Variants in PCDHGB5 observed in about 807,000 individuals in gnomAD.
PCDHGB5 encodes the protein protocadherin gamma-B5.
Under a neutral mutation model 62.9 loss-of-function variants are expected in PCDHGB5, and 48 were observed. The observed-to-expected ratio is 0.76, with a 90% CI of 0.61 to 0.97. PCDHGB5 has a LOEUF of 0.97. Ranked by LOEUF, PCDHGB5 falls within the 50% of genes least tolerant of loss-of-function variation. PCDHGB5 has a pLI of 0.00. For synonymous variants in PCDHGB5, 474 were observed against 511.2 expected (o/e 0.93, Z 0.98); for missense variants, 1,118 against 1,198.6 (o/e 0.93, Z 0.99).
intron 1 of PCDHGB5, among the ~76,000 whole-genome samples, chr5:141,494,338 ACAG>A (rs2099753688): frequency 6.6e-6 from 1 of 152,224 alleles, no homozygotes; most frequent in African/African-American, 2.4e-5. Flanking sequence ...GTTACCAAGA[ACAG>A]CAGCCATCTT....
At chr5:141,420,050 C>T in intron 1 of PCDHGB5, 1 of 1,614,076 alleles carries the variant, frequency 6.2e-7, no homozygotes, top group Non-Finnish European at 8.5e-7. Flanking sequence ...TGAGTCAGTT[C>T]TCTGCTCCAA....
chr5:141,485,192 A>T lies in PCDHGB5; in HGVS notation c.2398-9615A>T. 1.2e-6 allele frequency: 2 copies of T among 1,613,942 alleles called. No individual in the cohort carries two copies. Among genetic ancestry groups the T allele is most frequent in the African/African-American group, 2.7e-5 (2 of 75,048 alleles). On this transcript the variant is annotated intron_variant, in intron 1 of 3. Transcript: ENST00000617380. The surrounding 1 kb of genome is among the most constrained non-coding windows in gnomAD (Gnocchi z 5.7). ...GGCAGCAATGCTCCGCAAGGTGAGA[A>T]GCTGGACAGAAATCTGGCGGTGGGC... is the stretch of plus-strand genomic sequence containing the variant.
intron 3 of PCDHGB5, among the ~76,000 whole-genome samples, chr5:141,508,624 G>A (rs552418899): frequency 3.3e-5 from 5 of 152,256 alleles, no homozygotes; most frequent in African/African-American, 9.6e-5. Context: ...TGGGTGGGCC[G>A]AGCTTCTAGC....
chr5:141,477,512 A>G lies in PCDHGB5; in HGVS notation c.2398-17295A>G. 1.9e-6 allele frequency: 3 copies of G among 1,614,156 alleles called. No homozygotes were observed. Among genetic ancestry groups the G allele is most frequent in the South Asian group, 2.2e-5 (2 of 91,072 alleles). ...TTCTCAATCTTCCTACGACGTTTAC[A>G]TTGAAGAAAACAACCTCCCCGGGGC... On this transcript the variant is annotated intron_variant, in intron 1 of 3. Transcript: ENST00000617380. This position sits in a 1 kb window ranked among gnomAD's most constrained non-coding sequence, Gnocchi z 4.9.
rs1253223100 is a variant in PCDHGB5 at position 141,493,049 on chromosome 5, T to C, written c.2398-1758T>C. Among the ~76,000 whole-genome samples the C allele has an allele frequency of 6.6e-6, 1 of 152,188 alleles. No homozygotes were observed. Among genetic ancestry groups the C allele is most frequent in the Non-Finnish European group, 1.5e-5 (1 of 68,032 alleles). Reference sequence around the variant, plus strand: ...GCCCTTATGTGTGAGGAAACTACAATAGTAAAAAACACAAGTTTCTCCAAC... The same window carrying C: ...GCCCTTATGTGTGAGGAAACTACAACAGTAAAAAACACAAGTTTCTCCAAC... On this transcript the variant is annotated intron_variant, in intron 1 of 3. Transcript: ENST00000617380. This position sits in a 1 kb window ranked among gnomAD's most constrained non-coding sequence, Gnocchi z 4.3.
At chr5:141,510,658 A>G (rs1162885805) in intron 3 of PCDHGB5, among the ~76,000 whole-genome samples, 1 of 152,178 alleles carries the variant, frequency 6.6e-6, no homozygotes, top group African/African-American at 2.4e-5. Context: ...CATTTTGCAG[A>G]TGAGAAAACT....
intron 1 of PCDHGB5, among the ~76,000 whole-genome samples, chr5:141,439,599 G>A (rs1319524199): frequency 6.6e-6 from 1 of 152,146 alleles, no homozygotes; most frequent in Non-Finnish European, 1.5e-5. Flanking sequence ...TGGCCAGTCT[G>A]GAAACAGAGA....
intron 1 of PCDHGB5, among the ~76,000 whole-genome samples, chr5:141,444,241 G>A (rs1302797543): frequency 3.1e-5 from 4 of 130,308 alleles, no homozygotes; most frequent in Admixed American, 1.9e-4. Flanking sequence ...GCATGCTCTC[G>A]GCTCACTGCA....
Position 141,490,330 on chromosome 5 carries a change from C to T in PCDHGB5, c.2398-4477C>T, listed in dbSNP as rs2099698666. ...GGCCAACCCTGTCCTAGAGAGCACA[C>T]CAGTGGGCACAGTAGTGGGGTTGTT... is the stretch of plus-strand genomic sequence containing the variant. On this transcript the variant is annotated intron_variant, in intron 1 of 3. Transcript: ENST00000617380. The surrounding 1 kb of genome is among the most constrained non-coding windows in gnomAD (Gnocchi z 5.4). 6.2e-7 allele frequency: 1 copy of T among 1,614,080 alleles called. No individual in the cohort carries two copies. Among genetic ancestry groups the T allele is most frequent in the Non-Finnish European group, 8.5e-7 (1 of 1,180,042 alleles).
At chr5:141,456,215 C>T (rs1465130067) in intron 1 of PCDHGB5, among the ~76,000 whole-genome samples, 2 of 152,048 alleles carry the variant, frequency 1.3e-5, no homozygotes, top group African/African-American at 2.4e-5. Flanking sequence ...CTCCCTGTGG[C>T]GATATCAAAC....
At position 141,491,093 on chromosome 5, in the gene PCDHGB5, T is replaced by G; in HGVS notation, c.2398-3714T>G. The G allele has an allele frequency of 6.2e-7, 1 of 1,614,160 alleles. No individual in the cohort carries two copies. The highest frequency in any genetic ancestry group is 8.5e-7 in the Non-Finnish European group (1 of 1,180,008). On this transcript the variant is annotated intron_variant, in intron 1 of 3. Transcript: ENST00000617380. This position sits in a 1 kb window ranked among gnomAD's most constrained non-coding sequence, Gnocchi z 6.9. ...TTGCCACAGTCCACAGCCCCAGGAC[T>G]GTTCCTCGTGTCTACACACACTGGT... is the stretch of plus-strand genomic sequence containing the variant.
chr5:141,421,927 C>T (rs1179128418), intron 1 of PCDHGB5: 2 of 1,613,396 alleles, frequency 1.2e-6, no homozygotes, highest in African/African-American at 2.7e-5. Flanking sequence ...TGTGGTGGTC[C>T]TCGATGTAAA....
chr5:141,426,439 G>A, intron 1 of PCDHGB5: 1 of 302,400 alleles, frequency 3.3e-6, no homozygotes, highest in Non-Finnish European at 6.5e-6. Flanking sequence ...GAACCTTGCG[G>A]AGGACATGCG....
At chr5:141,470,961 C>T (rs1447105252) in intron 1 of PCDHGB5, among the ~76,000 whole-genome samples, 1 of 152,036 alleles carries the variant, frequency 6.6e-6, no homozygotes, top group Non-Finnish European at 1.5e-5. Context: ...AAGTGATCCT[C>T]CCACCTCAGC....
At chr5:141,502,234 C>T (rs1482411915) in intron 2 of PCDHGB5, among the ~76,000 whole-genome samples, 1 of 152,108 alleles carries the variant, frequency 6.6e-6, no homozygotes, top group Non-Finnish European at 1.5e-5. Flanking sequence ...TCTGTGTGTT[C>T]TTTTATCCTT....
At position 141,511,262 on chromosome 5, in the gene PCDHGB5, G is replaced by A; in HGVS notation, c.*89G>A. 1 of 1,556,036 alleles carries A rather than the reference G, an allele frequency of 6.4e-7. No individual in the cohort carries two copies. The highest frequency in any genetic ancestry group is 8.7e-7 in the Non-Finnish European group (1 of 1,150,444). On this transcript the variant is annotated 3_prime_UTR_variant, in exon 4 of 4. Transcript: ENST00000617380. ...TGCACCCAGGCCTCAGAGTTTCAGG[G>A]CTAACCCCCAGAATACTGGTAGGGG...
At position 141,400,348 on chromosome 5, in the gene PCDHGB5, C is replaced by T. The variant is rs745917638; in HGVS notation, c.2221C>T (p.Gln741Ter). Residue 741 changes from glutamine (Q) to a stop codon, truncating the protein, a stop_gained, in exon 1 of 4, where the codon CAG becomes TAG. Coordinates refer to ENST00000617380, the MANE Select transcript of PCDHGB5 (RefSeq NM_018925.3). LOFTEE classifies it high-confidence loss of function. Reference protein sequence around the residue: ...SGPVVPPNYSQGTLPYSYNLC... With the variant: ...SGPVVPPNYS ...ACCTGTGGTTCCCCCCAACTACAGT[C>T]AGGGGACTTTGCCTTATTCCTACAA... is the stretch of plus-strand genomic sequence containing the variant. 3 of 1,614,050 alleles carry T rather than the reference C, an allele frequency of 1.9e-6. No homozygotes were observed. The highest frequency in any genetic ancestry group is 1.1e-5 in the South Asian group (1 of 91,082).
At chr5:141,497,223 T>G (rs921763195) in intron 2 of PCDHGB5, among the ~76,000 whole-genome samples, 14 of 151,762 alleles carry the variant, frequency 9.2e-5, no homozygotes, top group African/African-American at 3.4e-4. Context: ...GGGGGGAAGA[T>G]CAGAGAAGGC....
Position 141,489,092 on chromosome 5 carries a change from A to AATT in PCDHGB5, c.2398-5714_2398-5713insTTA. 2.9e-6 allele frequency: 1 copy of AATT among 348,332 alleles called. No individual in the cohort carries two copies. Among genetic ancestry groups the AATT allele is most frequent in the Non-Finnish European group, 4.7e-6 (1 of 214,538 alleles). 21.6% of individuals were successfully genotyped at this position (348,332 alleles called of 1,614,324 possible). A position where few individuals can be genotyped will look rare whatever the true frequency, so the allele number is the denominator to read the frequency against. On this transcript the variant is annotated intron_variant, in intron 1 of 3. Transcript: ENST00000617380. This position sits in a 1 kb window ranked among gnomAD's most constrained non-coding sequence, Gnocchi z 4.5. Reference sequence around the variant, plus strand: ...TGCCCACCCCCGCCACTCGGTGACTAAGAACTGCTGCAAGCAGGCAAACCT... The same window carrying AATT: ...TGCCCACCCCCGCCACTCGGTGACTAATTAGAACTGCTGCAAGCAGGCAAACCT...
Sources: gnomAD v4.1 joint callset for allele counts (sites outside exome capture counted in the v4.1 genomes callset) on GRCh38, gnomAD v4.1.1 for gene constraint, Gnocchi (gnomAD v3.1) non-coding constraint, MANE v1.5 for transcripts, NCBI Gene and HGNC (gene_info 2026-07-23, HGNC 2026-07-21) for gene names.